POU6F2: variants seen among roughly 807,000 people sequenced by gnomAD.
The protein encoded by POU6F2 is POU domain, class 6, transcription factor 2.
A neutral mutation model predicts 71.3 loss-of-function variants in POU6F2; 31 were observed. The observed-to-expected ratio is 0.43, with a 90% CI of 0.33 to 0.59. POU6F2 has a LOEUF of 0.59. POU6F2 is among the 20% of genes least tolerant of loss of function. The pLI is 0.04. For missense variants in POU6F2, 783 were observed against 856.8 expected, an observed-to-expected ratio of 0.91 and a Z score of 1.07; for synonymous variants, 347 against 355.7, an observed-to-expected ratio of 0.98 and a Z score of 0.27.
At chr7:39,197,734 T>A (rs543091270) in intron 2 of POU6F2, among the ~76,000 whole-genome samples, 1 of 152,324 alleles carries the variant, frequency 6.6e-6, no homozygotes, top group South Asian at 2.1e-4. Context: ...GACAAACTAT[T>A]TTTGAATGCT....
At chr7:39,425,613 C>T (rs549598289) in intron 6 of POU6F2, among the ~76,000 whole-genome samples, 1 of 152,248 alleles carries the variant, frequency 6.6e-6, no homozygotes, top group South Asian at 2.1e-4. Context: ...AAATAGCAGC[C>T]GCTACCTCTC....
chr7:39,311,431 T>C (rs1470823227), intron 4 of POU6F2, among the ~76,000 whole-genome samples: 3 of 152,214 alleles, frequency 2.0e-5, no homozygotes, highest in Non-Finnish European at 2.9e-5. Flanking sequence ...TGTACCTACT[T>C]ATGAAGCTCA....
At chr7:39,191,144 T>G (rs1562740052) in intron 2 of POU6F2, among the ~76,000 whole-genome samples, 1 of 152,190 alleles carries the variant, frequency 6.6e-6, no homozygotes, top group Non-Finnish European at 1.5e-5. Context: ...ATATACGGCC[T>G]TTTAACCAAC....
intron 7 of POU6F2, among the ~76,000 whole-genome samples, chr7:39,446,688 G>A (rs1044372981): frequency 6.6e-6 from 1 of 152,206 alleles, no homozygotes; most frequent in Non-Finnish European, 1.5e-5. Context: ...AGAGCCAGTA[G>A]GACGTAGAAA....
chr7:39,448,034 T>C (rs950719662), intron 7 of POU6F2, among the ~76,000 whole-genome samples: 6 of 152,238 alleles, frequency 3.9e-5, no homozygotes, highest in African/African-American at 1.2e-4. Context: ...TTATTTGATA[T>C]ATTTTAAGCA....
chr7:39,340,910 C>T (rs879688527), intron 5 of POU6F2, among the ~76,000 whole-genome samples: 1 of 152,202 alleles, frequency 6.6e-6, no homozygotes, highest in Non-Finnish European at 1.5e-5. Flanking sequence ...CTTTGACTTG[C>T]ACAATGACAT....
chr7:39,443,612 A>C (rs1378676380), intron 7 of POU6F2, among the ~76,000 whole-genome samples: 1 of 152,224 alleles, frequency 6.6e-6, no homozygotes, highest in East Asian at 1.9e-4. Context: ...AATCAAGCTA[A>C]CAAGTTGGGC....
intron 5 of POU6F2, among the ~76,000 whole-genome samples, chr7:39,354,943 G>A (rs1184728952): frequency 6.6e-6 from 1 of 152,208 alleles, no homozygotes; most frequent in Non-Finnish European, 1.5e-5. Context: ...CTCTCTTCTT[G>A]ACCATATGAT....
chr7:39,027,546 C>G (rs781505027), intron 1 of POU6F2, among the ~76,000 whole-genome samples: 1 of 152,186 alleles, frequency 6.6e-6, no homozygotes, highest in Non-Finnish European at 1.5e-5. Flanking sequence ...CAATTCCAAT[C>G]AGAGCAGCTC....
At chr7:39,167,033 C>A (rs1793128115) in intron 2 of POU6F2, among the ~76,000 whole-genome samples, 1 of 152,144 alleles carries the variant, frequency 6.6e-6, no homozygotes, top group Non-Finnish European at 1.5e-5. Context: ...TTCCTCACAC[C>A]TCACACCCCA....
chr7:39,158,512 C>T (rs980730287), intron 2 of POU6F2, among the ~76,000 whole-genome samples: 6 of 152,020 alleles, frequency 3.9e-5, no homozygotes, highest in Admixed American at 6.5e-5. Context: ...CATCTGCAAG[C>T]GGGATAACCA....
chr7:39,375,621 T>C (rs1441249748), intron 5 of POU6F2, among the ~76,000 whole-genome samples: 1 of 142,944 alleles, frequency 7.0e-6, no homozygotes, highest in East Asian at 2.1e-4. Context: ...TGCTTCCTCC[T>C]TGATTTTTTT....
chr7:39,045,834 TC>T (rs1471805187), intron 1 of POU6F2, among the ~76,000 whole-genome samples: 1 of 151,916 alleles, frequency 6.6e-6, no homozygotes, highest in African/African-American at 2.4e-5. Flanking sequence ...TTTAATTTTA[TC>T]ACATTTTATT....
intron 5 of POU6F2, among the ~76,000 whole-genome samples, chr7:39,388,228 C>T (rs893446260): frequency 6.6e-6 from 1 of 152,168 alleles, no homozygotes; most frequent in Non-Finnish European, 1.5e-5. Context: ...CTTCAGTAGG[C>T]GTCATCACAG....
intron 1 of POU6F2, among the ~76,000 whole-genome samples, chr7:39,067,478 C>G (rs560778691): frequency 1.8e-4 from 28 of 151,730 alleles, no homozygotes; most frequent in African/African-American, 5.8e-4. Flanking sequence ...AAAAATCAAA[C>G]GGAAATAACA....
At chr7:39,293,453 G>C (rs73130461) in intron 4 of POU6F2, among the ~76,000 whole-genome samples, 16,904 of 152,190 alleles carry the variant, frequency 0.11, 1,194 homozygotes, top group East Asian at 0.17. Flanking sequence ...AGGCCGCTTG[G>C]GGCCCGTCGT....
chr7:39,112,098 C>A (rs1018568656), intron 2 of POU6F2, among the ~76,000 whole-genome samples: 1 of 152,040 alleles, frequency 6.6e-6, no homozygotes, highest in African/African-American at 2.4e-5. Context: ...CTGTTCTTAC[C>A]CTTCCAGTTC....
chr7:39,213,047 G>C (rs1481974149), intron 4 of POU6F2, among the ~76,000 whole-genome samples: 1 of 152,202 alleles, frequency 6.6e-6, no homozygotes, highest in East Asian at 1.9e-4. Context: ...AGGCCAGAAT[G>C]ACCTACTAAT....
chr7:39,201,057 C>T (rs1438668159), intron 2 of POU6F2, among the ~76,000 whole-genome samples: 2 of 151,942 alleles, frequency 1.3e-5, no homozygotes, highest in South Asian at 2.1e-4. Flanking sequence ...TAAATATTTT[C>T]ATTAAATAAT....
Sources: gnomAD v4.1 joint callset for allele counts (sites outside exome capture counted in the v4.1 genomes callset) on GRCh38, gnomAD v4.1.1 for gene constraint, MANE v1.5 for transcripts, NCBI Gene and HGNC (gene_info 2026-07-23, HGNC 2026-07-21) for gene names.